SH3TC1: variants seen among roughly 807,000 people sequenced by gnomAD.
SH3TC1 encodes the protein SH3 domain and tetratricopeptide repeat-containing protein 1.
Under a neutral mutation model 117.3 loss-of-function variants are expected in SH3TC1, and 135 were observed. The ratio of observed to expected loss-of-function variants is 1.15; its 90% CI spans 1.00 to 1.33. SH3TC1 has a LOEUF of 1.33. SH3TC1 is among the 40% of genes most tolerant of loss of function. The pLI is 0.00. For missense variants in SH3TC1, 2,092 were observed against 1,794.3 expected (o/e 1.17, Z -3.00); for synonymous variants, 898 against 816.9 (o/e 1.10, Z -1.69).
Position 8,205,388 on chromosome 4 carries a change from C to T in SH3TC1, c.172+22C>T, listed in dbSNP as rs13150128. On this transcript the variant is annotated intron_variant, in intron 2 of 17. Coordinates refer to ENST00000245105, the MANE Select transcript of SH3TC1 (RefSeq NM_018986.5). This position sits in a 1 kb window ranked among gnomAD's most constrained non-coding sequence, Gnocchi z 5.4. Reference sequence around the variant, plus strand: ...GGCGGTGAGTTCATTCCACCCTCACCACCCGCCCTCCATCCCACCCACTTC... The same window carrying T: ...GGCGGTGAGTTCATTCCACCCTCACTACCCGCCCTCCATCCCACCCACTTC... 41,513 of 1,531,226 alleles carry T rather than the reference C, an allele frequency of 0.027. 993 individuals are homozygous for T. The highest frequency in any genetic ancestry group is 0.11 in the South Asian group (9,080 of 81,086). The allele number at this position is 1,531,226 out of a possible 1,614,324, so 94.9% of individuals were successfully genotyped here.
chr4:8,196,394 G>A (rs1168949241), upstream of SH3TC1, among the ~76,000 whole-genome samples: 1 of 152,106 alleles, frequency 6.6e-6, no homozygotes, highest in African/African-American at 2.4e-5. This position sits in a 1 kb window ranked among gnomAD's most constrained non-coding sequence, Gnocchi z 4.6. Context: ...GGGAGAGGAA[G>A]ACCTGGAGGG....
In SH3TC1 at chr4:8,237,645, G is replaced by C. The variant is rs1721945964; in HGVS notation, c.3728G>C (p.Gly1243Ala). The change falls in exon 17 of 18, where the codon GGT becomes GCT. Residue 1243 changes from glycine (G) to alanine (A), a missense_variant. By Grantham distance (60) the Gly-to-Ala change is moderately conservative. Coordinates refer to ENST00000245105, the MANE Select transcript of SH3TC1 (RefSeq NM_018986.5). The stretch of plus-strand genomic sequence containing the variant: ...TACGTGAAGGTGTACCTGGTGCTCG[G>C]TGACATCATCTTCTACGACCTGAAG... ...LYYVKVYLVL[G>A]DIIFYDLKDP... 2 of 1,608,890 alleles carry C rather than the reference G, an allele frequency of 1.2e-6. No individual in the cohort carries two copies. The highest frequency in any genetic ancestry group is 1.1e-5 in the South Asian group (1 of 90,272).
intron 5 of SH3TC1, chr4:8,215,033 T>C (rs2152984994): frequency 2.4e-6 from 1 of 423,956 alleles, no homozygotes; most frequent in Non-Finnish European, 4.9e-6. Flanking sequence ...ATAACAACAC[T>C]GGTGTGCGCA....
intron 1 of SH3TC1, among the ~76,000 whole-genome samples, chr4:8,191,675 T>C (rs1578636389): frequency 6.6e-6 from 1 of 152,152 alleles, no homozygotes; most frequent in Non-Finnish European, 1.5e-5. Context: ...ACACCCGTCC[T>C]CAAACTTGGG....
At chr4:8,237,962 A>G (rs1281105) in intron 17 of SH3TC1, among the ~76,000 whole-genome samples, 150,647 of 152,232 alleles carry the variant, frequency 0.99, 74,564 homozygotes, top group East Asian at 1. Flanking sequence ...CCTCCTGGAG[A>G]AGGGGACACC....
chr4:8,212,897 A>AGT, intron 4 of SH3TC1, 69 bp downstream of exon 4: 1 of 1,485,658 alleles, frequency 6.7e-7, no homozygotes, highest in Non-Finnish European at 9.0e-7. Flanking sequence ...GCTGAGGTGC[A>AGT]GTGTCTGAGA....
intron 12 of SH3TC1, chr4:8,229,166 C>G (rs11728188): frequency 6.5e-6 from 1 of 152,744 alleles, no homozygotes; most frequent in African/African-American, 2.4e-5. Flanking sequence ...GAGTGTGCCA[C>G]GTCCCACCCA....
chr4:8,229,999 AAC>A (rs558315035), intron 12 of SH3TC1, among the ~76,000 whole-genome samples: 7 of 142,754 alleles, frequency 4.9e-5, no homozygotes, highest in South Asian at 2.1e-4. Flanking sequence ...CCCCGCGTTG[AAC>A]AGTCGAGGAG....
At position 8,205,390 on chromosome 4, in the gene SH3TC1, C is replaced by G. The variant is rs200185031; in HGVS notation, c.172+24C>G. 9.8e-4 allele frequency: 1,499 copies of G among 1,529,400 alleles called. 14 individuals carry two copies. In the African/African-American group the frequency reaches 0.019, roughly 19 times the overall value. The allele number at this position is 1,529,400 out of a possible 1,614,324, so 94.7% of individuals were successfully genotyped here. A position where few individuals can be genotyped will look rare whatever the true frequency, so the allele number is the denominator to read the frequency against. On this transcript the variant is annotated intron_variant, in intron 2 of 17. Coordinates refer to ENST00000245105, the MANE Select transcript of SH3TC1 (RefSeq NM_018986.5). This position sits in a 1 kb window ranked among gnomAD's most constrained non-coding sequence, Gnocchi z 5.4. ...CGGTGAGTTCATTCCACCCTCACCA[C>G]CCGCCCTCCATCCCACCCACTTCTC...
At position 8,213,042 on chromosome 4, in the gene SH3TC1, G is replaced by A. The variant is rs531422086; in HGVS notation, c.375+214G>A. On this transcript the variant is annotated intron_variant, in intron 4 of 17. Coordinates refer to ENST00000245105, the MANE Select transcript of SH3TC1 (RefSeq NM_018986.5). ...TTGCTTTGTGGAGGGCACTGTGATCGTCCCTCTGCTCTCCCACAGCCCCAG... is the reference window on the plus strand; with the variant it reads ...TTGCTTTGTGGAGGGCACTGTGATCATCCCTCTGCTCTCCCACAGCCCCAG... 4.8e-4 allele frequency: 286 copies of A among 599,584 alleles called. 1 individual carries two copies. Among genetic ancestry groups the A allele is most frequent in the African/African-American group, 4.5e-3 (236 of 52,186 alleles). The allele number at this position is 599,584 out of a possible 1,614,324, so 37.1% of individuals were successfully genotyped here.
chr4:8,216,006 T>G, intron 5 of SH3TC1, 105 bp from the exon 6 acceptor site: 2 of 1,390,288 alleles, frequency 1.4e-6, no homozygotes, highest in Non-Finnish European at 2.0e-6. Flanking sequence ...ATGGTCTCCC[T>G]GGACCTGGTC....
intron 1 of SH3TC1, among the ~76,000 whole-genome samples, chr4:8,201,228 C>A (rs1344038222): frequency 1.3e-5 from 2 of 152,234 alleles, no homozygotes; most frequent in African/African-American, 4.8e-5. Flanking sequence ...CCACATTCAC[C>A]AAACTCTGAC....
At position 8,205,200 on chromosome 4, in the gene SH3TC1, G is replaced by C; in HGVS notation, c.6G>C (p.Glu2Asp). 1 of 1,530,230 alleles carries C rather than the reference G, an allele frequency of 6.5e-7. No individual in the cohort carries two copies. The highest frequency in any genetic ancestry group is 1.2e-5 in the South Asian group (1 of 80,816). 94.8% of individuals were successfully genotyped at this position (1,530,230 alleles called of 1,614,324 possible). MENLPAVTTEEP... is the reference protein window; with the variant it reads MDNLPAVTTEEP... ...ATGTGAGGTCTCTGCGGGTCATGGA[G>C]AACCTCCCTGCCGTGACCACTGAGG... The change falls in exon 2 of 18, where the codon GAG becomes GAC. Residue 2 changes from glutamate (E) to aspartate (D), a missense_variant. Physicochemically the swap from Glu to Asp is conservative, Grantham distance 45. Coordinates refer to ENST00000245105, the MANE Select transcript of SH3TC1 (RefSeq NM_018986.5). The surrounding 1 kb of genome is among the most constrained non-coding windows in gnomAD (Gnocchi z 5.4).
chr4:8,240,799 C>T lies in SH3TC1; in HGVS notation c.3855C>T (p.Thr1285=). 1.2e-6 allele frequency: 2 copies of T among 1,614,132 alleles called. No individual in the cohort carries two copies. The highest frequency in any genetic ancestry group is 8.5e-7 in the Non-Finnish European group (1 of 1,180,038). Residue 1285 remains threonine (T), a synonymous_variant, in exon 18 of 18, where the codon ACC becomes ACT. Transcript: ENST00000245105. ...TGAAGATCTACACGCGGCTGGCCAC[C>T]ATCTACCACAACTTCCTCCTGGACC... The part of the protein sequence containing the change: ...AQLKIYTRLA[T]IYHNFLLDRE...
chr4:8,228,228 T>A lies in SH3TC1; in HGVS notation c.2534T>A (p.Leu845Gln), dbSNP rs1469264349. 9 of 1,609,394 alleles carry A rather than the reference T, an allele frequency of 5.6e-6. No homozygotes were observed. The highest frequency in any genetic ancestry group is 7.6e-6 in the Non-Finnish European group (9 of 1,177,632). Residue 845 changes from leucine (L) to glutamine (Q), a missense_variant, in exon 12 of 18, where the codon CTG (leucine) becomes CAG (glutamine). By Grantham distance (113) the Leu-to-Gln change is moderately radical. Transcript: ENST00000245105. Reference sequence around the variant, plus strand: ...CTTCATGGGCAGAGCCCGGTGGCCCTGGACATCCTGCAGTCTGTCCGGGAT... The same window carrying A: ...CTTCATGGGCAGAGCCCGGTGGCCCAGGACATCCTGCAGTCTGTCCGGGAT... The part of the protein sequence containing the change: ...HVLHGQSPVA[L>Q]DILQSVRDAV...
intron 10 of SH3TC1, among the ~76,000 whole-genome samples, 191 bp downstream of exon 10, chr4:8,223,161 G>A (rs1043338063): frequency 4.6e-5 from 7 of 152,250 alleles, no homozygotes; most frequent in Admixed American, 2.0e-4. Context: ...TGGGTGAGGA[G>A]CTGAGGGCGT....
At chr4:8,211,888 G>A (rs1718767209) in intron 3 of SH3TC1, among the ~76,000 whole-genome samples, 1 of 152,122 alleles carries the variant, frequency 6.6e-6, no homozygotes, top group Non-Finnish European at 1.5e-5. Flanking sequence ...CACAGGGATG[G>A]CCCAGAGTAG....
chr4:8,202,922 G>A lies in SH3TC1; in HGVS notation c.-28-2245G>A, dbSNP rs142124113. ...GGACTTTAGACCGTGGGCTCCTCCC[G>A]CCCCTGCTCTGCTGATGGAGCCCAA... On this transcript the variant is annotated intron_variant, in intron 1 of 17. Coordinates refer to ENST00000245105, the MANE Select transcript of SH3TC1 (RefSeq NM_018986.5). Among the ~76,000 whole-genome samples the A allele has an allele frequency of 2.9e-3, 440 of 152,290 alleles. 6 individuals are homozygous for A. The East Asian group carries it at 0.035, about 12-fold the overall frequency.
intron 1 of SH3TC1, among the ~76,000 whole-genome samples, chr4:8,184,945 A>G (rs1314386004): frequency 6.9e-6 from 1 of 145,294 alleles, no homozygotes; most frequent in African/African-American, 2.5e-5. Flanking sequence ...TGTCGTATAC[A>G]TTTGTGATAC....
Sources: allele counts gnomAD v4.1 joint callset (sites outside exome capture counted in the v4.1 genomes callset), GRCh38; gene constraint gnomAD v4.1.1; non-coding constraint Gnocchi (gnomAD v3.1); transcripts MANE v1.5; gene names NCBI Gene and HGNC (gene_info 2026-07-23, HGNC 2026-07-21).